TTC28: variants seen among roughly 807,000 people sequenced by gnomAD.
TTC28 encodes tetratricopeptide repeat protein 28.
Under a neutral mutation model 198.0 loss-of-function variants are expected in TTC28, and 61 were observed. The observed-to-expected ratio is 0.31, with a 90% CI of 0.25 to 0.38. The LOEUF is 0.38. Ranked by LOEUF, TTC28 falls within the 10% of genes least tolerant of loss-of-function variation. The pLI, the probability that TTC28 is intolerant of heterozygous loss-of-function variation, is 1.00. For synonymous variants in TTC28, 1,171 were observed against 1,297.8 expected, an observed-to-expected ratio of 0.90 and a Z score of 2.10; for missense variants, 2,678 against 3,164.0, an observed-to-expected ratio of 0.85 and a Z score of 3.69.
chr22:28,637,004 G>GT (rs35849354), intron 1 of TTC28, among the ~76,000 whole-genome samples: 1,876 of 97,286 alleles, frequency 0.019, 60 homozygotes, highest in African/African-American at 0.049. Context: ...CAGGTCTTCA[G>GT]TTTTTTTTTT....
intron 2 of TTC28, among the ~76,000 whole-genome samples, chr22:28,436,040 C>G (rs952756315): frequency 2.6e-5 from 4 of 152,166 alleles, no homozygotes; most frequent in African/African-American, 9.7e-5. Context: ...AGTACATGCA[C>G]AATATTACAC....
chr22:28,106,922 A>AGTT (rs1273533390), intron 7 of TTC28, 140 bp downstream of exon 7: 3 of 1,136,774 alleles, frequency 2.6e-6, no homozygotes, highest in Middle Eastern at 3.0e-4. Context: ...TGATTCAAAC[A>AGTT]GTTGTTGGAG....
intron 2 of TTC28, among the ~76,000 whole-genome samples, chr22:28,336,432 C>A (rs191051339): frequency 6.6e-6 from 1 of 152,140 alleles, no homozygotes. Flanking sequence ...CCTCCTTGTA[C>A]CTCTGGTAGA....
At chr22:28,514,338 AAG>A (rs1340710717) in intron 2 of TTC28, among the ~76,000 whole-genome samples, 2 of 152,262 alleles carry the variant, frequency 1.3e-5, no homozygotes, top group East Asian at 3.8e-4. Flanking sequence ...TCTACTGGGA[AAG>A]AGAACAATTT....
At chr22:28,019,667 G>A (rs75650828) in intron 13 of TTC28, among the ~76,000 whole-genome samples, 7,775 of 152,304 alleles carry the variant, frequency 0.051, 349 homozygotes, top group East Asian at 0.24. Context: ...GTAGAAGAAC[G>A]GCCACAGAGG....
At chr22:28,129,101 C>G (rs1453663882) in intron 6 of TTC28, among the ~76,000 whole-genome samples, 1 of 152,202 alleles carries the variant, frequency 6.6e-6, no homozygotes, top group East Asian at 1.9e-4. Flanking sequence ...TAACAAGTAC[C>G]CAAATGCTTT....
chr22:28,452,737 C>T lies in TTC28; in HGVS notation c.382-146094G>A, dbSNP rs534231658. On this transcript the variant is annotated intron_variant, in intron 2 of 22. Transcript: ENST00000397906. ...GTTAAAATGCCTAGCATTGGAATTG[C>T]CATACTCTGTTTTGGGGAACTTCTC... 1.2e-3 allele frequency among the ~76,000 whole-genome samples: 177 copies of T among 152,180 alleles called. No individual in the cohort carries two copies. The Middle Eastern group carries it at 0.017, about 15-fold the overall frequency.
chr22:27,996,401 TG>T (rs1266419711), intron 16 of TTC28, 142 bp from the exon 17 acceptor site: 7 of 1,237,112 alleles, frequency 5.7e-6, no homozygotes, highest in African/African-American at 1.5e-5. Flanking sequence ...CAGGCTGGCC[TG>T]GGGCATCTGA....
At position 28,405,895 on chromosome 22, in the gene TTC28, T is replaced by G. The variant is rs191196824; in HGVS notation, c.382-99252A>C. On this transcript the variant is annotated intron_variant, in intron 2 of 22. Transcript: ENST00000397906. ...AATTAAAAGTGGGTATAAATATGAC[T>G]GCAGAACTGTTCCTGAGCTACTGCT... 1.9e-3 allele frequency among the ~76,000 whole-genome samples: 297 copies of G among 152,360 alleles called. 1 individual carries two copies. The highest frequency in any genetic ancestry group is 7.0e-3 in the African/African-American group (290 of 41,590).
chr22:28,346,576 A>C (rs1205136983), intron 2 of TTC28, among the ~76,000 whole-genome samples: 2 of 152,204 alleles, frequency 1.3e-5, no homozygotes, highest in African/African-American at 4.8e-5. Context: ...AGGGCAAGTG[A>C]CTGATAATAG....
intron 2 of TTC28, among the ~76,000 whole-genome samples, chr22:28,571,661 A>T (rs981978615): frequency 1.3e-5 from 2 of 152,310 alleles, no homozygotes; most frequent in East Asian, 3.9e-4. Context: ...CATAATGTAT[A>T]CTCAGGCTGG....
intron 2 of TTC28, among the ~76,000 whole-genome samples, chr22:28,395,563 C>T (rs1016373498): frequency 6.8e-6 from 1 of 146,042 alleles, no homozygotes; most frequent in Non-Finnish European, 1.5e-5. Flanking sequence ...ACCCAGGAGG[C>T]AGAGCTTGCA....
At chr22:28,579,274 T>C (rs930605326) in intron 2 of TTC28, among the ~76,000 whole-genome samples, 2 of 150,020 alleles carry the variant, frequency 1.3e-5, no homozygotes. Context: ...GCTATATACG[T>C]ATATAACCAT....
rs1382704079 is a variant in TTC28 at position 28,153,438 on chromosome 22, G to GT, written c.1441+9653dup. Among the ~76,000 whole-genome samples the GT allele has an allele frequency of 6.3e-4, 63 of 100,640 alleles. 1 individual carries two copies. The highest frequency in any genetic ancestry group is 6.7e-4 in the Non-Finnish European group (32 of 47,504). 66.0% of individuals were successfully genotyped at this position (100,640 alleles called of 152,430 possible). The stretch of plus-strand genomic sequence containing the variant: ...AAAAAACCTTCGTTTTTTGTTTTTT[G>GT]TTTTTTTTTTAAACTTACTTGGACC... On this transcript the variant is annotated intron_variant, in intron 6 of 22. Coordinates refer to ENST00000397906, the MANE Select transcript of TTC28 (RefSeq NM_001145418.2).
At chr22:28,341,227 GAGGAA>G (rs1331885268) in intron 2 of TTC28, among the ~76,000 whole-genome samples, 1 of 152,186 alleles carries the variant, frequency 6.6e-6, no homozygotes, top group East Asian at 1.9e-4. Context: ...CAAAACAATA[GAGGAA>G]GAAAAAACTG....
intron 2 of TTC28, among the ~76,000 whole-genome samples, chr22:28,608,601 T>C (rs2050770110): frequency 6.6e-6 from 1 of 152,202 alleles, no homozygotes; most frequent in African/African-American, 2.4e-5. Flanking sequence ...AAATGTGCAG[T>C]ACTGTGTGCA....
At chr22:28,267,357 G>A (rs1442633433) in intron 5 of TTC28, among the ~76,000 whole-genome samples, 1 of 152,202 alleles carries the variant, frequency 6.6e-6, no homozygotes, top group Non-Finnish European at 1.5e-5. Context: ...GCATATCAAT[G>A]TGGAAGAAAG....
At chr22:28,129,429 T>C (rs938694801) in intron 6 of TTC28, among the ~76,000 whole-genome samples, 2 of 152,222 alleles carry the variant, frequency 1.3e-5, no homozygotes, top group Admixed American at 1.3e-4. Flanking sequence ...TTGTAATCCC[T>C]TTCTCATTCC....
intron 5 of TTC28, among the ~76,000 whole-genome samples, chr22:28,197,889 T>A (rs948459731): frequency 3.3e-5 from 5 of 151,958 alleles, no homozygotes; most frequent in African/African-American, 1.2e-4. Context: ...AAAAAACCCA[T>A]CAAACATATG....
Sources: gnomAD v4.1 joint callset for allele counts (sites outside exome capture counted in the v4.1 genomes callset) on GRCh38, gnomAD v4.1.1 for gene constraint, MANE v1.5 for transcripts, NCBI Gene and HGNC (gene_info 2026-07-23, HGNC 2026-07-21) for gene names.